Variants in NGEF observed in about 807,000 individuals in gnomAD.
The protein encoded by NGEF is ephexin-1.
NGEF carries 31 observed loss-of-function variants against 80.9 expected under a neutral mutation model. The ratio of observed to expected loss-of-function variants is 0.38; its 90% CI spans 0.29 to 0.52. The LOEUF (loss-of-function observed/expected upper bound fraction) is 0.52. Ranked by LOEUF, NGEF falls within the 20% of genes least tolerant of loss-of-function variation. The probability of loss-of-function intolerance (pLI) is 0.84; values close to 1 mark genes in which losing one functional copy is unlikely to be tolerated. For missense variants in NGEF, 709 were observed against 926.2 expected (o/e 0.77, Z 3.04); for synonymous variants, 371 against 370.2 (o/e 1.00, Z -0.03).
chr2:232,896,107 T>C (rs1692050650), intron 5 of NGEF, among the ~76,000 whole-genome samples: 2 of 152,018 alleles, frequency 1.3e-5, no homozygotes, highest in South Asian at 2.1e-4. Flanking sequence ...GCAGAGTGGG[T>C]TGAACTGTGG....
intron 5 of NGEF, among the ~76,000 whole-genome samples, chr2:232,906,036 C>T (rs867506694): frequency 4.9e-4 from 54 of 109,832 alleles, no homozygotes; most frequent in South Asian, 1.2e-3. Flanking sequence ...GGTCAGCCCC[C>T]CGCCCGGCCA....
intron 5 of NGEF, among the ~76,000 whole-genome samples, chr2:232,919,878 C>G (rs1025774666): frequency 2.0e-5 from 3 of 152,150 alleles, no homozygotes; most frequent in Non-Finnish European, 2.9e-5. Flanking sequence ...GGGATAAGAT[C>G]GTGAATGCAA....
intron 1 of NGEF, among the ~76,000 whole-genome samples, chr2:232,992,845 G>T (rs1694676960): frequency 6.6e-6 from 1 of 151,126 alleles, no homozygotes; most frequent in African/African-American, 2.4e-5. Flanking sequence ...AAATTAGCTG[G>T]ATGTGGTGGC....
At chr2:232,937,724 T>C (rs1176365673) in intron 3 of NGEF, among the ~76,000 whole-genome samples, 3 of 152,198 alleles carry the variant, frequency 2.0e-5, no homozygotes, top group Non-Finnish European at 4.4e-5. Flanking sequence ...GGTGTGAGTC[T>C]TTCTTCTCCT....
At chr2:232,897,987 T>G (rs1234384044) in intron 5 of NGEF, among the ~76,000 whole-genome samples, 1 of 152,222 alleles carries the variant, frequency 6.6e-6, no homozygotes. Flanking sequence ...GCAGCAGACC[T>G]GCAGCCCAGC....
chr2:232,936,346 T>A (rs1468907822), intron 3 of NGEF, among the ~76,000 whole-genome samples: 3 of 152,216 alleles, frequency 2.0e-5, no homozygotes, highest in Non-Finnish European at 4.4e-5. Flanking sequence ...CCCTGTGTGG[T>A]AAAGAATTAA....
chr2:232,965,173 T>C (rs116514465), intron 3 of NGEF, among the ~76,000 whole-genome samples: 1,785 of 152,340 alleles, frequency 0.012, 18 homozygotes, highest in South Asian at 0.032. Context: ...TTGTTACCAG[T>C]CTTTGTGCCA....
chr2:232,977,198 C>T (rs6746888), intron 1 of NGEF, among the ~76,000 whole-genome samples: 83,293 of 151,492 alleles, frequency 0.55, 23,539 homozygotes, highest in African/African-American at 0.61. Flanking sequence ...GCCAGATGAA[C>T]GGGGACCCCT....
intron 1 of NGEF, among the ~76,000 whole-genome samples, chr2:233,007,367 T>C (rs1695106605): frequency 6.6e-6 from 1 of 152,192 alleles, no homozygotes; most frequent in African/African-American, 2.4e-5. Context: ...CCAGCCTAGG[T>C]TTCTAGGAAG....
Position 232,976,073 on chromosome 2 carries a change from T to C in NGEF, c.-74-1109A>G, listed in dbSNP as rs550719272. Reference sequence around the variant, plus strand: ...AAAATTAGCTGGGTTTGGTGGCACATGCCTGTAGTCCCAGCTTCTCGGGAG... The same window carrying C: ...AAAATTAGCTGGGTTTGGTGGCACACGCCTGTAGTCCCAGCTTCTCGGGAG... On this transcript the variant is annotated intron_variant, in intron 1 of 14. Coordinates refer to ENST00000264051, the MANE Select transcript of NGEF (RefSeq NM_019850.3). 5.9e-5 allele frequency among the ~76,000 whole-genome samples: 9 copies of C among 152,196 alleles called. No homozygotes were observed. In the South Asian group the frequency reaches 1.9e-3, roughly 32 times the overall value.
chr2:232,993,084 C>CAAATATATATATAAAT (rs1694683603), intron 1 of NGEF, among the ~76,000 whole-genome samples: 1 of 50,406 alleles, frequency 2.0e-5, no homozygotes, highest in Non-Finnish European at 3.7e-5. Context: ...TCTATACGGG[C>CAAATATATATATAAAT]AAATATATAT....
chr2:232,902,969 A>T (rs1461370400), intron 5 of NGEF, among the ~76,000 whole-genome samples: 1 of 151,858 alleles, frequency 6.6e-6, no homozygotes, highest in South Asian at 2.1e-4. Context: ...ACTCCAGCAT[A>T]AGTGACAGAG....
At chr2:232,888,000 T>C (rs754210044) in intron 9 of NGEF, 33 bp downstream of exon 9, 15 of 1,565,686 alleles carry the variant, frequency 9.6e-6, no homozygotes, top group South Asian at 8.9e-5. Context: ...AAACAGTGCA[T>C]TGGGATACAG....
At chr2:232,972,075 TA>T (rs1467458107) in intron 2 of NGEF, among the ~76,000 whole-genome samples, 1 of 152,222 alleles carries the variant, frequency 6.6e-6, no homozygotes, top group African/African-American at 2.4e-5. Flanking sequence ...AATTTACATT[TA>T]AAAGTACAAA....
Position 232,891,959 on chromosome 2 carries a change from TCAGCAGGGATGGCAGGGACGGCAGGGA to T in NGEF, c.1143-499_1143-473del, listed in dbSNP as rs1473534177. ...GGAGGTGAGCTCGGCCCCATGCATGTCAGCAGGGATGGCAGGGACGGCAGGGACAGCAGGGACAGCAGGGACGGCAGG... is the reference window on the plus strand; with the variant it reads ...GGAGGTGAGCTCGGCCCCATGCATGTCAGCAGGGACAGCAGGGACGGCAGG... On this transcript the variant is annotated intron_variant, in intron 7 of 14. Coordinates refer to ENST00000264051, the MANE Select transcript of NGEF (RefSeq NM_019850.3). Among the ~76,000 whole-genome samples the T allele has an allele frequency of 9.3e-5, 11 of 118,670 alleles. No homozygotes were observed. The South Asian group carries it at 1.2e-3, about 13-fold the overall frequency. 77.9% of individuals were successfully genotyped at this position (118,670 alleles called of 152,430 possible). A position where few individuals can be genotyped will look rare whatever the true frequency, so the allele number is the denominator to read the frequency against.
chr2:232,956,415 A>T (rs1225280732), intron 3 of NGEF, among the ~76,000 whole-genome samples: 1 of 54,632 alleles, frequency 1.8e-5, no homozygotes, highest in Non-Finnish European at 3.3e-5. Context: ...CTAACAGAAG[A>T]AACAGTTAAC....
intron 5 of NGEF, among the ~76,000 whole-genome samples, chr2:232,901,652 C>T (rs973585986): frequency 6.6e-6 from 1 of 152,214 alleles, no homozygotes; most frequent in South Asian, 2.1e-4. Context: ...AAGGGTTCTG[C>T]GAGGTCCCTT....
chr2:232,982,078 G>A (rs1229182749), intron 1 of NGEF, among the ~76,000 whole-genome samples: 1 of 152,212 alleles, frequency 6.6e-6, no homozygotes, highest in African/African-American at 2.4e-5. Context: ...CTGGGACTGG[G>A]GGAGCTTCAC....
At chr2:233,008,893 C>G (rs1695144973) in intron 1 of NGEF, among the ~76,000 whole-genome samples, 1 of 151,870 alleles carries the variant, frequency 6.6e-6, no homozygotes, top group African/African-American at 2.4e-5. Flanking sequence ...CTCCACCTCC[C>G]TGGTTCAAGT....
Sources: gnomAD v4.1 joint callset for allele counts (sites outside exome capture counted in the v4.1 genomes callset) on GRCh38, gnomAD v4.1.1 for gene constraint, MANE v1.5 for transcripts, NCBI Gene and HGNC (gene_info 2026-07-23, HGNC 2026-07-21) for gene names.